The following MAF variants were observed in gnomAD, a reference collection of about 807,000 sequenced individuals.
MAF encodes transcription factor Maf.
MAF carries 10 observed loss-of-function variants against 22.0 expected under a neutral mutation model. The observed-to-expected ratio is 0.45, with a 90% CI of 0.28 to 0.77. The LOEUF is 0.77. Among genes scored for constraint, MAF ranks in the 30% least tolerant of loss-of-function variants. MAF has a pLI of 0.12. For missense variants in MAF, 544 were observed against 548.4 expected (o/e 0.99, Z 0.08); for synonymous variants, 337 against 255.8 (o/e 1.32, Z -3.03).
chr16:79,524,928 G>C, the MAF span, among the ~76,000 whole-genome samples: 3 of 152,170 alleles, frequency 2.0e-5, no homozygotes, highest in African/African-American at 7.2e-5. Flanking sequence ...ACAGCCACGT[G>C]AGGTTTGCTT....
the MAF span, among the ~76,000 whole-genome samples, chr16:79,288,467 C>A: frequency 6.6e-6 from 1 of 152,142 alleles, no homozygotes; most frequent in African/African-American, 2.4e-5. Flanking sequence ...AGCCCCCAGC[C>A]CTTGGGAGTC....
At chr16:79,243,360 G>A in the MAF span, among the ~76,000 whole-genome samples, 2 of 151,436 alleles carry the variant, frequency 1.3e-5, no homozygotes, top group Non-Finnish European at 2.9e-5. Context: ...TCAAATAATT[G>A]CAATAAAAAA....
the MAF span, among the ~76,000 whole-genome samples, chr16:79,246,619 A>T: frequency 1.3e-5 from 2 of 152,140 alleles, no homozygotes; most frequent in Non-Finnish European, 2.9e-5. Flanking sequence ...AGTAGAAAAC[A>T]TGGAAATGGG....
the MAF span, among the ~76,000 whole-genome samples, chr16:79,518,087 C>T: frequency 6.6e-6 from 1 of 152,186 alleles, no homozygotes; most frequent in Non-Finnish European, 1.5e-5. Flanking sequence ...CCTTTGTAGA[C>T]ATTAGTTTAT....
chr16:79,499,009 G>C, the MAF span, among the ~76,000 whole-genome samples: 5 of 152,154 alleles, frequency 3.3e-5, no homozygotes, highest in Non-Finnish European at 5.9e-5. Flanking sequence ...CCTTTTTAGA[G>C]AGGAGAGTAG....
the MAF span, among the ~76,000 whole-genome samples, chr16:79,394,697 G>A: frequency 4.6e-5 from 7 of 152,228 alleles, no homozygotes; most frequent in East Asian, 7.7e-4. Flanking sequence ...CACTGGAATC[G>A]CTGGGGCACC....
At chr16:79,311,443 T>G in the MAF span, among the ~76,000 whole-genome samples, 1 of 151,500 alleles carries the variant, frequency 6.6e-6, no homozygotes, top group Admixed American at 6.6e-5. Context: ...CATGATTTAC[T>G]GTGCAAATGG....
chr16:79,248,183 A>T, the MAF span, among the ~76,000 whole-genome samples: 259 of 117,308 alleles, frequency 2.2e-3, no homozygotes, highest in African/African-American at 6.2e-3. Flanking sequence ...TTTTTTTTTT[A>T]AATTAACTAC....
downstream of MAF, among the ~76,000 whole-genome samples, chr16:79,584,795 T>A (rs1056105110): frequency 1.3e-5 from 2 of 152,160 alleles, no homozygotes; most frequent in African/African-American, 2.4e-5. Flanking sequence ...CATCCAAGAC[T>A]AGAAAATAAA....
At chr16:79,302,566 C>T in the MAF span, among the ~76,000 whole-genome samples, 1 of 152,236 alleles carries the variant, frequency 6.6e-6, no homozygotes, top group African/African-American at 2.4e-5. Flanking sequence ...AACGCTTCTT[C>T]TTCCAAGCAC....
chr16:79,231,884 T>C, the MAF span, among the ~76,000 whole-genome samples: 1 of 152,042 alleles, frequency 6.6e-6, no homozygotes, highest in Non-Finnish European at 1.5e-5. Flanking sequence ...GCCCTGAGCT[T>C]ATTTTCCTGC....
the MAF span, among the ~76,000 whole-genome samples, chr16:79,523,141 G>C: frequency 6.6e-6 from 1 of 152,172 alleles, no homozygotes; most frequent in Non-Finnish European, 1.5e-5. Context: ...AATACTGTTT[G>C]ATAGCAGATA....
chr16:79,382,608 G>A, the MAF span, among the ~76,000 whole-genome samples: 1 of 152,116 alleles, frequency 6.6e-6, no homozygotes, highest in Admixed American at 6.5e-5. Context: ...AGCTATTGAC[G>A]AAAAAGTGGT....
At chr16:79,459,918 G>A in the MAF span, among the ~76,000 whole-genome samples, 4 of 152,112 alleles carry the variant, frequency 2.6e-5, no homozygotes, top group African/African-American at 7.2e-5. Flanking sequence ...ATATATCTGT[G>A]AGCACTTGGA....
chr16:79,374,837 G>T, the MAF span, among the ~76,000 whole-genome samples: 2 of 152,198 alleles, frequency 1.3e-5, no homozygotes, highest in African/African-American at 4.8e-5. Context: ...AGAAAACACA[G>T]TCCGTAACAG....
chr16:79,567,527 T>C, the MAF span, among the ~76,000 whole-genome samples: 24 of 152,300 alleles, frequency 1.6e-4, no homozygotes, highest in African/African-American at 5.5e-4. Flanking sequence ...GTAAAAAAAA[T>C]GACCAATGAT....
the MAF span, among the ~76,000 whole-genome samples, chr16:79,447,488 T>A: frequency 6.6e-6 from 1 of 152,326 alleles, no homozygotes; most frequent in East Asian, 1.9e-4. Flanking sequence ...GACCAAGGAA[T>A]AATTTTGAAT....
At chr16:79,249,141 C>G in the MAF span, among the ~76,000 whole-genome samples, 1 of 151,988 alleles carries the variant, frequency 6.6e-6, no homozygotes, top group Admixed American at 6.6e-5. Context: ...AAGTTGAGGC[C>G]GGGTGCGGTG....
chr16:79,259,585 T>C, the MAF span, among the ~76,000 whole-genome samples: 2 of 152,068 alleles, frequency 1.3e-5, no homozygotes, highest in African/African-American at 2.4e-5. Flanking sequence ...CCGTAAATCA[T>C]TGCTGGGTGA....
Sources: allele counts gnomAD v4.1 joint callset (sites outside exome capture counted in the v4.1 genomes callset), GRCh38; gene constraint gnomAD v4.1.1; transcripts MANE v1.5; gene names NCBI Gene and HGNC (gene_info 2026-07-23, HGNC 2026-07-21).